Variants in LARGE1 observed in about 807,000 individuals in gnomAD.
The protein encoded by LARGE1 is xylosyl- and glucuronyltransferase LARGE1.
LARGE1 carries 43 observed loss-of-function variants against 87.6 expected under a neutral mutation model. The observed-to-expected ratio is 0.49, with a 90% CI of 0.38 to 0.63. The LOEUF is 0.63. Ranked by LOEUF, LARGE1 falls within the 30% of genes least tolerant of loss-of-function variation. The pLI is 0.00. For synonymous variants in LARGE1, 434 were observed against 394.6 expected (o/e 1.10, Z -1.18); for missense variants, 802 against 1,000.2 (o/e 0.80, Z 2.67).
chr22:33,067,413 T>C, the LARGE1 span, among the ~76,000 whole-genome samples: 3 of 152,170 alleles, frequency 2.0e-5, no homozygotes, highest in African/African-American at 7.2e-5. Context: ...GTGTGTGTGA[T>C]CTTAAGCAAT....
At chr22:33,426,270 AAAAC>A (rs1455244862) in intron 7 of LARGE1, among the ~76,000 whole-genome samples, 1 of 152,228 alleles carries the variant, frequency 6.6e-6, no homozygotes, top group Non-Finnish European at 1.5e-5. Context: ...ACCCATTTAA[AAAAC>A]AAAACAAAAC....
Position 33,752,436 on chromosome 22 carries a change from C to A in LARGE1, c.106+8935G>T, listed in dbSNP as rs541609368. 3.4e-4 allele frequency among the ~76,000 whole-genome samples: 52 copies of A among 152,240 alleles called. No homozygotes were observed. The South Asian group carries it at 9.7e-3, about 29-fold the overall frequency. On this transcript the variant is annotated intron_variant, in intron 2 of 14. Transcript: ENST00000397394. The stretch of plus-strand genomic sequence containing the variant: ...AATTGACTTAAAACCAGGAAACCTG[C>A]AACAAAGAGCAGACATTCTGAACTT...
At chr22:33,474,224 T>C (rs2068976378) in intron 6 of LARGE1, among the ~76,000 whole-genome samples, 1 of 152,118 alleles carries the variant, frequency 6.6e-6, no homozygotes, top group Non-Finnish European at 1.5e-5. Flanking sequence ...AGTGCAATGG[T>C]GCAATCTCGG....
intron 6 of LARGE1, among the ~76,000 whole-genome samples, chr22:33,471,394 C>T (rs909492497): frequency 6.6e-6 from 1 of 151,964 alleles, no homozygotes; most frequent in African/African-American, 2.4e-5. Context: ...CCCGAACAAC[C>T]CCACAAAGTA....
At chr22:33,086,718 A>G in the LARGE1 span, among the ~76,000 whole-genome samples, 2 of 151,424 alleles carry the variant, frequency 1.3e-5, no homozygotes, top group Admixed American at 6.6e-5. Flanking sequence ...ACACCCAGCT[A>G]ATTTTTGCAT....
intron 6 of LARGE1, among the ~76,000 whole-genome samples, chr22:33,501,095 C>T (rs2070408202): frequency 6.6e-6 from 1 of 152,018 alleles, no homozygotes; most frequent in Non-Finnish European, 1.5e-5. Flanking sequence ...TGGAGGGTGA[C>T]ACTTCAAAGA....
the LARGE1 span, among the ~76,000 whole-genome samples, chr22:33,130,293 G>T: frequency 1.7e-4 from 19 of 112,270 alleles, no homozygotes; most frequent in East Asian, 4.9e-3. Context: ...CAGCCTGGGC[G>T]AAAGAGTGAG....
intron 1 of LARGE1, among the ~76,000 whole-genome samples, chr22:33,799,896 G>T (rs1430709671): frequency 6.6e-6 from 1 of 152,192 alleles, no homozygotes; most frequent in African/African-American, 2.4e-5. Flanking sequence ...GCTAGGATCT[G>T]AAGTAGGAAC....
chr22:33,849,259 C>T (rs74454482), intron 1 of LARGE1, among the ~76,000 whole-genome samples: 3 of 152,140 alleles, frequency 2.0e-5, no homozygotes, highest in African/African-American at 7.2e-5. Flanking sequence ...GACACACAGG[C>T]CCACTTCGCA....
intron 1 of LARGE1, among the ~76,000 whole-genome samples, chr22:33,807,046 G>T (rs1601662381): frequency 6.6e-6 from 1 of 152,076 alleles, no homozygotes; most frequent in Non-Finnish European, 1.5e-5. Context: ...TTCAAACCAT[G>T]CAACTTCCAC....
Position 33,768,436 on chromosome 22 carries a change from T to A in LARGE1, c.-82-6878A>T, listed in dbSNP as rs7292251. On this transcript the variant is annotated intron_variant, in intron 1 of 14. Coordinates refer to ENST00000397394, the MANE Select transcript of LARGE1 (RefSeq NM_133642.5). ...CCAAGCCACAATCCAACGCGCGCGC[T>A]CACACACACACACACACACACACAC... Among the ~76,000 whole-genome samples, 597 of 147,554 alleles carry A rather than the reference T, an allele frequency of 4.0e-3. 4 individuals are homozygous for A. Among genetic ancestry groups the A allele is most frequent in the African/African-American group, 0.014 (559 of 39,736 alleles).
chr22:33,855,721 G>T (rs763138499), intron 1 of LARGE1, among the ~76,000 whole-genome samples: 1 of 152,188 alleles, frequency 6.6e-6, no homozygotes, highest in African/African-American at 2.4e-5. Flanking sequence ...TGGAGCAAAT[G>T]AAACTCAGAG....
chr22:33,905,718 G>A (rs967142688), intron 1 of LARGE1, among the ~76,000 whole-genome samples: 16 of 152,114 alleles, frequency 1.1e-4, no homozygotes, highest in Non-Finnish European at 8.8e-5. Context: ...TGATTAGAAG[G>A]ACCTCAACAT....
In LARGE1 at chr22:33,426,716, T is replaced by C. The variant is rs139657967; in HGVS notation, c.892+5445A>G. Among the ~76,000 whole-genome samples, 17 of 152,356 alleles carry C rather than the reference T, an allele frequency of 1.1e-4. No individual in the cohort carries two copies. The East Asian group carries it at 3.1e-3, about 28-fold the overall frequency. On this transcript the variant is annotated intron_variant, in intron 7 of 14. Transcript: ENST00000397394. ...CCAGTCCTTGAGCATTCCAATTTTG[T>C]TGTCCTGCAGAGAAGGATTCCGAGA...
exon 12 of LARGE1, chr22:33,163,790 C>T (rs1001913431): frequency 4.6e-5 from 7 of 152,110 alleles, no homozygotes; most frequent in African/African-American, 1.4e-4. Flanking sequence ...AAGAAATTTA[C>T]GATGCAGATA....
the LARGE1 span, among the ~76,000 whole-genome samples, chr22:33,132,482 C>A: frequency 6.7e-6 from 1 of 150,204 alleles, no homozygotes; most frequent in African/African-American, 2.5e-5. Context: ...TGCTTCTGGC[C>A]TCCATAACTA....
intron 12 of LARGE1, among the ~76,000 whole-genome samples, chr22:33,302,624 G>A (rs1934315363): frequency 6.6e-6 from 1 of 152,222 alleles, no homozygotes; most frequent in African/African-American, 2.4e-5. Context: ...GAAAGAGACA[G>A]AGGCAGTAAG....
chr22:33,426,253 T>C (rs1381237786), intron 7 of LARGE1, among the ~76,000 whole-genome samples: 1 of 152,216 alleles, frequency 6.6e-6, no homozygotes, highest in Admixed American at 6.5e-5. Context: ...GGAAGGTTCT[T>C]GGTATCACCC....
intron 1 of LARGE1, among the ~76,000 whole-genome samples, chr22:33,762,616 T>C (rs557930295): frequency 6.6e-6 from 1 of 152,024 alleles, no homozygotes; most frequent in East Asian, 1.9e-4. Flanking sequence ...CATCAAAACA[T>C]GCAGAGAAGG....
Sources: gnomAD v4.1 joint callset for allele counts (sites outside exome capture counted in the v4.1 genomes callset) on GRCh38, gnomAD v4.1.1 for gene constraint, MANE v1.5 for transcripts, NCBI Gene and HGNC (gene_info 2026-07-23, HGNC 2026-07-21) for gene names.